Variants in KCND2 observed in about 807,000 individuals in gnomAD.
The protein encoded by KCND2 is A-type voltage-gated potassium channel KCND2.
KCND2 carries 16 observed loss-of-function variants against 54.4 expected under a neutral mutation model. The observed-to-expected ratio is 0.29, with a 90% CI of 0.20 to 0.45. KCND2 has a LOEUF of 0.45. Among genes scored for constraint, KCND2 ranks in the 20% least tolerant of loss-of-function variants. The pLI is 1.00. For missense variants in KCND2, 486 were observed against 824.2 expected (o/e 0.59, Z 5.02); for synonymous variants, 317 against 310.7 (o/e 1.02, Z -0.21).
At chr7:120,305,285 C>G (rs1799636816) in intron 1 of KCND2, among the ~76,000 whole-genome samples, 1 of 152,072 alleles carries the variant, frequency 6.6e-6, no homozygotes, top group Non-Finnish European at 1.5e-5. Context: ...TTTAACCAGA[C>G]ATAAATTCAT....
In KCND2 at chr7:120,572,531, T is replaced by C. The variant is rs1051210363; in HGVS notation, c.1116-160372T>C. On this transcript the variant is annotated intron_variant, in intron 1 of 5. Coordinates refer to ENST00000331113, the MANE Select transcript of KCND2 (RefSeq NM_012281.3). Reference sequence around the variant, plus strand: ...AGAAAGTGTGAACATAATATATATATATATTTGAGACAGAGTCTCACTGTC... The same window carrying C: ...AGAAAGTGTGAACATAATATATATACATATTTGAGACAGAGTCTCACTGTC... Among the ~76,000 whole-genome samples, 69 of 152,218 alleles carry C rather than the reference T, an allele frequency of 4.5e-4. 2 individuals carry two copies. Among genetic ancestry groups the C allele is most frequent in the Non-Finnish European group, 1.5e-5 (1 of 68,000 alleles).
At chr7:120,673,903 T>C (rs951978271) in intron 1 of KCND2, among the ~76,000 whole-genome samples, 2 of 147,102 alleles carry the variant, frequency 1.4e-5, no homozygotes, top group Non-Finnish European at 3.0e-5. Context: ...CCTGCCTCTT[T>C]TATTTATTTT....
intron 1 of KCND2, among the ~76,000 whole-genome samples, chr7:120,302,159 TA>T (rs1222715317): frequency 6.6e-6 from 1 of 152,210 alleles, no homozygotes; most frequent in African/African-American, 2.4e-5. Flanking sequence ...GAAGACTCCC[TA>T]AAAGTTCAAA....
chr7:120,541,511 G>A lies in KCND2; in HGVS notation c.1116-191392G>A, dbSNP rs573600553. On this transcript the variant is annotated intron_variant, in intron 1 of 5. Coordinates refer to ENST00000331113, the MANE Select transcript of KCND2 (RefSeq NM_012281.3). ...CTGCAACAGGACCTTGTGAAAGAAA[G>A]ACCAGAGAGTTTACAAGTTCAAATT... Among the ~76,000 whole-genome samples the A allele has an allele frequency of 1.3e-4, 20 of 152,188 alleles. No individual in the cohort carries two copies. In the South Asian group the frequency reaches 4.2e-3, roughly 32 times the overall value.
chr7:120,312,253 A>G (rs191597541), intron 1 of KCND2, among the ~76,000 whole-genome samples: 5 of 152,066 alleles, frequency 3.3e-5, no homozygotes, highest in East Asian at 1.9e-4. Context: ...CATGGTGTAT[A>G]TGCACCACAT....
chr7:120,745,841 A>T lies in KCND2; in HGVS notation c.1529A>T (p.Asn510Ile). The change falls in exon 5 of 6, where the codon AAT becomes ATT. Residue 510 changes from asparagine to isoleucine, a missense_variant. Asn to Ile is a moderately radical substitution (Grantham distance 149, BLOSUM62 -3). Transcript: ENST00000331113. Reference protein sequence around the residue: ...EESCMEVATVNRPSSHSPSLS... With the variant: ...EESCMEVATVIRPSSHSPSLS... ...AGCTGCATGGAAGTTGCAACTGTTA[A>T]TCGTCCTTCAAGTCACAGTCCTTCA... The T allele has an allele frequency of 3.1e-6, 5 of 1,613,800 alleles. No homozygotes were observed. The South Asian group carries it at 5.5e-5, about 18-fold the overall frequency.
At chr7:120,649,320 G>A (rs970246419) in intron 1 of KCND2, among the ~76,000 whole-genome samples, 3 of 151,710 alleles carry the variant, frequency 2.0e-5, no homozygotes, top group African/African-American at 7.3e-5. Flanking sequence ...TATGGCTAGA[G>A]TTAAAATTGA....
intron 1 of KCND2, among the ~76,000 whole-genome samples, chr7:120,463,643 T>G (rs1802319775): frequency 6.6e-6 from 1 of 152,114 alleles, no homozygotes; most frequent in African/African-American, 2.4e-5. Flanking sequence ...TGAAATTTAC[T>G]AGCAGCCACT....
intron 1 of KCND2, among the ~76,000 whole-genome samples, chr7:120,311,995 C>T (rs1563005539): frequency 6.6e-6 from 1 of 152,170 alleles, no homozygotes; most frequent in Non-Finnish European, 1.5e-5. Context: ...ACCTCCACCT[C>T]CTGGGTTCAA....
intron 1 of KCND2, among the ~76,000 whole-genome samples, chr7:120,512,005 TC>T (rs1347740822): frequency 6.6e-5 from 10 of 152,098 alleles, no homozygotes; most frequent in Non-Finnish European, 1.5e-4. Flanking sequence ...ATTGCCTTTG[TC>T]CTAACCCGAA....
At chr7:120,357,469 A>G (rs1055193932) in intron 1 of KCND2, among the ~76,000 whole-genome samples, 1 of 152,118 alleles carries the variant, frequency 6.6e-6, no homozygotes, top group Non-Finnish European at 1.5e-5. Flanking sequence ...ATTTGAATTT[A>G]TTTGTTTATT....
Position 120,464,617 on chromosome 7 carries a change from A to G in KCND2, c.1115+188870A>G, listed in dbSNP as rs1161243895. Among the ~76,000 whole-genome samples, 3 of 152,212 alleles carry G rather than the reference A, an allele frequency of 2.0e-5. No homozygotes were observed. The East Asian group carries it at 5.8e-4, about 29-fold the overall frequency. Reference sequence around the variant, plus strand: ...GGGTTTTCTGTTCTGGGTCTCAGAAAGCTAACAAAAATTTTGGCTAAGTTC... The same window carrying G: ...GGGTTTTCTGTTCTGGGTCTCAGAAGGCTAACAAAAATTTTGGCTAAGTTC... On this transcript the variant is annotated intron_variant, in intron 1 of 5. Transcript: ENST00000331113.
At chr7:120,613,023 C>T (rs1244347509) in intron 1 of KCND2, among the ~76,000 whole-genome samples, 1 of 151,182 alleles carries the variant, frequency 6.6e-6, no homozygotes, top group Non-Finnish European at 1.5e-5. Flanking sequence ...CACAAGATAT[C>T]CATAGAATTT....
intron 1 of KCND2, among the ~76,000 whole-genome samples, chr7:120,503,621 T>C (rs1383925820): frequency 1.3e-5 from 2 of 151,958 alleles, no homozygotes; most frequent in African/African-American, 4.8e-5. Context: ...GTTATTTATT[T>C]ATGAAGATGA....
intron 5 of KCND2, 49 bp downstream of exon 5, chr7:120,746,076 G>A (rs961118460): frequency 6.2e-7 from 1 of 1,601,732 alleles, no homozygotes; most frequent in East Asian, 2.2e-5. Flanking sequence ...TGGTTCCCAG[G>A]GTGTGTCTTC....
Position 120,394,347 on chromosome 7 carries a change from G to A in KCND2, c.1115+118600G>A, listed in dbSNP as rs562573708. Among the ~76,000 whole-genome samples the A allele has an allele frequency of 1.8e-4, 27 of 151,964 alleles. No homozygotes were observed. The South Asian group carries it at 5.4e-3, about 30-fold the overall frequency. On this transcript the variant is annotated intron_variant, in intron 1 of 5. Coordinates refer to ENST00000331113, the MANE Select transcript of KCND2 (RefSeq NM_012281.3). ...CACTAAGTCTACCTCTTGCTGGAGG[G>A]GCCACAAGACTAGTTGAGTCGTGAG...
chr7:120,484,396 C>G (rs975380733), intron 1 of KCND2, among the ~76,000 whole-genome samples: 9 of 151,882 alleles, frequency 5.9e-5, no homozygotes, highest in Admixed American at 2.0e-4. Flanking sequence ...TCAAGGGATC[C>G]CCTTGCCTTG....
intron 1 of KCND2, among the ~76,000 whole-genome samples, chr7:120,491,649 A>C (rs1385360763): frequency 1.3e-5 from 2 of 152,104 alleles, no homozygotes; most frequent in African/African-American, 4.8e-5. Context: ...TCTTAGCAAA[A>C]TATGTGTGGG....
At position 120,508,172 on chromosome 7, in the gene KCND2, A is replaced by G. The variant is rs1177959498; in HGVS notation, c.1116-224731A>G. 2.6e-5 allele frequency among the ~76,000 whole-genome samples: 4 copies of G among 151,908 alleles called. No homozygotes were observed. The East Asian group carries it at 7.7e-4, about 29-fold the overall frequency. The stretch of plus-strand genomic sequence containing the variant: ...AATTGGACGTGTTTTTCTTCTTTTT[A>G]AATTTGTTACTTTAGAACAAAAATT... On this transcript the variant is annotated intron_variant, in intron 1 of 5. Transcript: ENST00000331113.
Sources: allele counts gnomAD v4.1 joint callset (sites outside exome capture counted in the v4.1 genomes callset), GRCh38; gene constraint gnomAD v4.1.1; transcripts MANE v1.5; gene names NCBI Gene and HGNC (gene_info 2026-07-23, HGNC 2026-07-21).